UGGT1: variants seen among roughly 807,000 people sequenced by gnomAD.
UGGT1 encodes the protein UDP-glucose:glycoprotein glucosyltransferase 1.
Under a neutral mutation model 203.9 loss-of-function variants are expected in UGGT1, and 107 were observed. The observed-to-expected ratio is 0.52, with a 90% CI of 0.45 to 0.62. UGGT1 has a LOEUF of 0.62. Among genes scored for constraint, UGGT1 ranks in the 20% least tolerant of loss-of-function variants. The probability of loss-of-function intolerance (pLI) is 0.00; values close to 1 mark genes in which losing one functional copy is unlikely to be tolerated. For missense variants in UGGT1, 1,673 were observed against 1,867.2 expected, an observed-to-expected ratio of 0.90 and a Z score of 1.92; for synonymous variants, 628 against 653.5, an observed-to-expected ratio of 0.96 and a Z score of 0.59.
At chr2:128,093,147 C>T (rs930716467) in intron 1 of UGGT1, among the ~76,000 whole-genome samples, 4 of 152,122 alleles carry the variant, frequency 2.6e-5, no homozygotes, top group Non-Finnish European at 5.9e-5. Context: ...TATAGCTTTC[C>T]TCCTTTTTTC....
intron 23 of UGGT1, among the ~76,000 whole-genome samples, chr2:128,159,990 A>G (rs1211169771): frequency 6.6e-6 from 1 of 152,154 alleles, no homozygotes; most frequent in Non-Finnish European, 1.5e-5. Flanking sequence ...TTATTTATAG[A>G]GCAAAAAACG....
rs776579958 is a variant in UGGT1, at chr2:128,179,871, GT to G, written c.3900+4del. 5.6e-6 allele frequency: 9 copies of G among 1,611,356 alleles called. No homozygotes were observed. Among genetic ancestry groups the G allele is most frequent in the Non-Finnish European group, 7.6e-6 (9 of 1,178,058 alleles). ...GAATTACTTGTCCCCCACATTTAAG[GT>G]TTGTTTCACAGAGAAAGGGAAAACA... is the stretch of plus-strand genomic sequence containing the variant. On this transcript the variant is annotated splice_donor_variant, in intron 35 of 40. Transcript: ENST00000259253. LOFTEE classifies it high-confidence loss of function.
At chr2:128,147,204 G>A (rs181862924) in intron 18 of UGGT1, among the ~76,000 whole-genome samples, 1 of 152,182 alleles carries the variant, frequency 6.6e-6, no homozygotes, top group South Asian at 2.1e-4. Context: ...ATGTTCCTCA[G>A]ACTGGATAAT....
At chr2:128,120,144 A>T (rs1217027717) in intron 8 of UGGT1, among the ~76,000 whole-genome samples, 2 of 151,950 alleles carry the variant, frequency 1.3e-5, no homozygotes, top group African/African-American at 4.8e-5. Flanking sequence ...CTATTCTAGC[A>T]ATTTTTCTAT....
At chr2:128,127,586 G>T in intron 12 of UGGT1, 134 bp downstream of exon 12, 1 of 644,064 alleles carries the variant, frequency 1.6e-6, no homozygotes, top group Non-Finnish European at 2.8e-6. Flanking sequence ...CTGGGTGGAC[G>T]TAGGTAGTAG....
intron 18 of UGGT1, among the ~76,000 whole-genome samples, chr2:128,147,735 C>T (rs1366508226): frequency 1.3e-5 from 2 of 151,992 alleles, no homozygotes; most frequent in African/African-American, 4.8e-5. Context: ...CTCAGCCTCT[C>T]GAGTAGCTGG....
chr2:128,101,861 T>C (rs894842519), intron 2 of UGGT1, among the ~76,000 whole-genome samples: 1 of 152,176 alleles, frequency 6.6e-6, no homozygotes, highest in Admixed American at 6.5e-5. Flanking sequence ...GCTTTGGAAA[T>C]CTAAGAAAAC....
At position 128,129,161 on chromosome 2, in the gene UGGT1, C is replaced by T. The variant is rs1688758155; in HGVS notation, c.1359C>T (p.Ile453=). ...QPSEADYAVD[I]RSPAISWVNN... ...CTGAGGCAGACTATGCCGTAGACAT[C>T]CGGAGTCCTGCTATTTCAGTGAGTA... is the stretch of plus-strand genomic sequence containing the variant. The change falls in exon 13 of 41, where the codon ATC becomes ATT. Residue 453 remains isoleucine, a synonymous_variant. Coordinates refer to ENST00000259253, the MANE Select transcript of UGGT1 (RefSeq NM_020120.4). The T allele has an allele frequency of 3.1e-6, 5 of 1,610,536 alleles. No homozygotes were observed. The highest frequency in any genetic ancestry group is 4.2e-6 in the Non-Finnish European group (5 of 1,179,210).
At chr2:128,177,980 A>G (rs1691481804) in intron 33 of UGGT1, 60 bp downstream of exon 33, 7 of 1,408,274 alleles carry the variant, frequency 5.0e-6, no homozygotes, top group Non-Finnish European at 4.8e-6. Flanking sequence ...AGCACCATCC[A>G]TCCCTCCTTT....
intron 1 of UGGT1, among the ~76,000 whole-genome samples, chr2:128,094,373 T>C (rs1687009618): frequency 6.6e-6 from 1 of 152,194 alleles, no homozygotes; most frequent in African/African-American, 2.4e-5. Context: ...TATTCTGTAA[T>C]TTAGAAGATA....
chr2:128,120,326 G>A (rs1174050937), intron 8 of UGGT1, 30 bp from the exon 9 acceptor site: 2 of 1,591,334 alleles, frequency 1.3e-6, no homozygotes, highest in Non-Finnish European at 1.7e-6. Flanking sequence ...AAAAAATAAT[G>A]AAAAGGACTG....
chr2:128,150,773 C>T (rs1441580450), intron 18 of UGGT1, among the ~76,000 whole-genome samples: 2 of 148,986 alleles, frequency 1.3e-5, no homozygotes, highest in Non-Finnish European at 3.0e-5. Context: ...GCAGGGAATA[C>T]AGATGTTTAA....
At chr2:128,101,433 G>T (rs1161989175) in intron 2 of UGGT1, among the ~76,000 whole-genome samples, 1 of 152,136 alleles carries the variant, frequency 6.6e-6, no homozygotes, top group African/African-American at 2.4e-5. Flanking sequence ...GATTGTCTAT[G>T]AAGTGATATT....
Position 128,161,067 on chromosome 2 carries a change from G to C in UGGT1, c.2695-71G>C, listed in dbSNP as rs574501271. 295 of 1,577,586 alleles carry C rather than the reference G, an allele frequency of 1.9e-4. 1 individual carries two copies. In the East Asian group the frequency reaches 6.5e-3, roughly 35 times the overall value. On this transcript the variant is annotated intron_variant, in intron 24 of 40. Transcript: ENST00000259253. ...TATGAGGTAGCCTGAGGACGCCAGA[G>C]GGTTCCTTACCAGCTTGCTGAGTGC...
chr2:128,178,049 C>G, intron 33 of UGGT1, 129 bp downstream of exon 33: 1 of 763,246 alleles, frequency 1.3e-6, no homozygotes, highest in Non-Finnish European at 2.1e-6. Context: ...CTACATCTCA[C>G]ACTTATATTT....
At chr2:128,177,256 T>C (rs1452364685) in intron 32 of UGGT1, among the ~76,000 whole-genome samples, 1 of 152,232 alleles carries the variant, frequency 6.6e-6, no homozygotes, top group Non-Finnish European at 1.5e-5. Flanking sequence ...ATTTAATTTC[T>C]TTTGACTTGT....
chr2:128,124,135 A>G (rs1688504640), intron 11 of UGGT1, among the ~76,000 whole-genome samples: 1 of 151,992 alleles, frequency 6.6e-6, no homozygotes, highest in African/African-American at 2.4e-5. Context: ...TTTAGTAGAG[A>G]CGGGGTTTCA....
intron 1 of UGGT1, 101 bp downstream of exon 1, chr2:128,091,516 G>A: frequency 6.7e-7 from 1 of 1,493,468 alleles, no homozygotes; most frequent in Admixed American, 2.2e-5. Flanking sequence ...CCTCTACCGT[G>A]ACTCAGTTTA....
chr2:128,182,112 A>G lies in UGGT1; in HGVS notation c.4084-18A>G. 6.8e-6 allele frequency: 11 copies of G among 1,610,882 alleles called. No homozygotes were observed. The highest frequency in any genetic ancestry group is 9.3e-6 in the Non-Finnish European group (11 of 1,178,174). On this transcript the variant is annotated intron_variant, in intron 36 of 40. Coordinates refer to ENST00000259253, the MANE Select transcript of UGGT1 (RefSeq NM_020120.4). ...TGTCTGCATGGTTGCTTAACAAATG[A>G]CTTTTTATATTCTCCAGATTGTACG...
Sources: allele counts gnomAD v4.1 joint callset (sites outside exome capture counted in the v4.1 genomes callset), GRCh38; gene constraint gnomAD v4.1.1; transcripts MANE v1.5; gene names NCBI Gene and HGNC (gene_info 2026-07-23, HGNC 2026-07-21).